The following DLG5 variants were observed in gnomAD, a reference collection of about 807,000 sequenced individuals.
DLG5 encodes disks large homolog 5.
In DLG5, 48 loss-of-function variants were observed where a neutral mutation model predicts 189.8. That is an observed-to-expected ratio of 0.25 (90% CI 0.20 to 0.32). DLG5 has a LOEUF of 0.32. Ranked by LOEUF, DLG5 falls within the 10% of genes least tolerant of loss-of-function variation. DLG5 has a pLI of 1.00. For missense variants in DLG5, 2,160 were observed against 2,544.7 expected (o/e 0.85, Z 3.25); for synonymous variants, 1,016 against 1,054.1 (o/e 0.96, Z 0.70).
At chr10:77,903,578 A>G (rs1156621304) in intron 1 of DLG5, among the ~76,000 whole-genome samples, 1 of 150,604 alleles carries the variant, frequency 6.6e-6, no homozygotes, top group East Asian at 2.0e-4. Context: ...AGATCGTGAC[A>G]CTGCACTTCA....
chr10:77,853,559 C>A, intron 4 of DLG5, 22 bp from the exon 5 acceptor site: 1 of 1,540,570 alleles, frequency 6.5e-7, no homozygotes, highest in South Asian at 1.2e-5. Context: ...GGTACATGCT[C>A]AGTGAGCCCC....
At chr10:77,799,344 AG>A (rs1464270183) in intron 27 of DLG5, among the ~76,000 whole-genome samples, 1 of 152,170 alleles carries the variant, frequency 6.6e-6, no homozygotes, top group African/African-American at 2.4e-5. Flanking sequence ...TTGGAGACGG[AG>A]TCTTCAGGAG....
At chr10:77,815,708 T>A (rs1456080125) in intron 20 of DLG5, among the ~76,000 whole-genome samples, 2 of 152,188 alleles carry the variant, frequency 1.3e-5, no homozygotes, top group Non-Finnish European at 2.9e-5. Flanking sequence ...CTGCTGAGGC[T>A]CACAGCTACA....
At chr10:77,856,697 G>A (rs1485758899) in intron 3 of DLG5, 33 bp downstream of exon 3, 1 of 1,599,826 alleles carries the variant, frequency 6.3e-7, no homozygotes, top group East Asian at 2.2e-5. Context: ...CCCAACCATG[G>A]GGCCTGGGCA....
chr10:77,806,718 A>C, intron 26 of DLG5, 40 bp downstream of exon 26: 7 of 1,333,646 alleles, frequency 5.2e-6, no homozygotes, highest in Non-Finnish European at 5.3e-6. Context: ...GCCCTCGGCG[A>C]CCCCTGCCCC....
Position 77,794,965 on chromosome 10 carries a change from T to A in DLG5, c.5437-7A>T. ...CCAGGAGGCAGTGTCGGTTCTGGGG[T>A]GGGGGGTGCAGAGTGAGCCCTGGCG... On this transcript the variant is annotated splice_polypyrimidine_tract_variant and splice_region_variant and intron_variant, in intron 29 of 31. Transcript: ENST00000372391. 6.2e-7 allele frequency: 1 copy of A among 1,612,330 alleles called. No individual in the cohort carries two copies. Among genetic ancestry groups the A allele is most frequent in the South Asian group, 1.1e-5 (1 of 90,880 alleles).
At chr10:77,876,049 A>G (rs1309910709) in intron 1 of DLG5, among the ~76,000 whole-genome samples, 1 of 152,044 alleles carries the variant, frequency 6.6e-6, no homozygotes, top group Non-Finnish European at 1.5e-5. Flanking sequence ...CTTATATGCC[A>G]CCCGAGGGTG....
At chr10:77,861,511 A>AGGGG (rs1844468894) in intron 2 of DLG5, among the ~76,000 whole-genome samples, 4 of 152,178 alleles carry the variant, frequency 2.6e-5, no homozygotes, top group Admixed American at 2.6e-4. Flanking sequence ...CCATCCCAAC[A>AGGGG]CACCCCATCT....
At chr10:77,864,552 C>A (rs1472381885) in intron 2 of DLG5, among the ~76,000 whole-genome samples, 1 of 152,230 alleles carries the variant, frequency 6.6e-6, no homozygotes, top group Non-Finnish European at 1.5e-5. Flanking sequence ...CACTAGAGAA[C>A]CTGCTAGGCA....
chr10:77,903,518 T>G (rs1480278334), intron 1 of DLG5, among the ~76,000 whole-genome samples: 1 of 151,418 alleles, frequency 6.6e-6, no homozygotes, highest in Non-Finnish European at 1.5e-5. Context: ...CTGGGGAAGC[T>G]GAGGCAGGAG....
At chr10:77,863,801 G>A (rs967565684) in intron 2 of DLG5, among the ~76,000 whole-genome samples, 3 of 152,184 alleles carry the variant, frequency 2.0e-5, no homozygotes. Context: ...CCCAAAACAG[G>A]AAGACACCAG....
chr10:77,824,241 C>G (rs1006077108), intron 14 of DLG5, 143 bp downstream of exon 14: 5 of 611,216 alleles, frequency 8.2e-6, no homozygotes, highest in Non-Finnish European at 1.4e-5. Flanking sequence ...AGCGTCCAGT[C>G]AGGGTTCCTG....
Position 77,792,356 on chromosome 10 carries a change from C to T in DLG5, c.*84G>A. On this transcript the variant is annotated 3_prime_UTR_variant, in exon 32 of 32. Transcript: ENST00000372391. ...CCCCGCATGTTCATAGACGGACAGACTTCTACTTTCAGTCGCTAGAAAAGA... is the reference window on the plus strand; with the variant it reads ...CCCCGCATGTTCATAGACGGACAGATTTCTACTTTCAGTCGCTAGAAAAGA... 7.5e-7 allele frequency: 1 copy of T among 1,328,566 alleles called. No individual in the cohort carries two copies. The highest frequency in any genetic ancestry group is 1.1e-6 in the Non-Finnish European group (1 of 922,932). The allele number at this position is 1,328,566 out of a possible 1,614,324, so 82.3% of individuals were successfully genotyped here. A position where few individuals can be genotyped will look rare whatever the true frequency, so the allele number is the denominator to read the frequency against.
intron 22 of DLG5, 94 bp downstream of exon 22, chr10:77,811,830 G>A (rs966304533): frequency 1.9e-5 from 27 of 1,457,272 alleles, no homozygotes; most frequent in Middle Eastern, 2.5e-4. Context: ...CAGAACTTAC[G>A]GCTGGCACCC....
At chr10:77,870,662 G>A (rs1844860527) in intron 1 of DLG5, among the ~76,000 whole-genome samples, 1 of 151,938 alleles carries the variant, frequency 6.6e-6, no homozygotes, top group African/African-American at 2.4e-5. Flanking sequence ...TTCAGCCTGG[G>A]CAACAAAGTG....
At chr10:77,829,296 G>A (rs1842791598) in intron 12 of DLG5, 59 bp downstream of exon 12, 3 of 1,608,208 alleles carry the variant, frequency 1.9e-6, no homozygotes, top group Non-Finnish European at 1.7e-6. Flanking sequence ...CCCGGCCCCT[G>A]TCCACAAAAA....
chr10:77,882,863 G>A (rs117657808), intron 1 of DLG5, among the ~76,000 whole-genome samples: 1,602 of 150,936 alleles, frequency 0.011, 10 homozygotes, highest in Non-Finnish European at 0.017. Flanking sequence ...GCAGTGGGCC[G>A]AGATCACTCC....
rs1261995213 is a variant in DLG5 at position 77,816,633 on chromosome 10, A to G, written c.3943T>C (p.Cys1315Arg). ...SPLNIDTLSS[C>R]SQSQTSASTL... ...GAGGCTGAGGTCTGGGACTGGCTAC[A>G]AGAGGACAGGGTGTCGATGTTCAGG... The change falls in exon 20 of 32, where the codon TGT (cysteine) becomes CGT (arginine). Residue 1315 changes from cysteine (C) to arginine (R), a missense_variant. This residue lies in a region of DLG5 where 754 missense variants were observed against 746.5 expected (regional missense o/e 1.01). Coordinates refer to ENST00000372391, the MANE Select transcript of DLG5 (RefSeq NM_004747.4). The G allele has an allele frequency of 1.2e-6, 2 of 1,614,164 alleles. No homozygotes were observed. Among genetic ancestry groups the G allele is most frequent in the Admixed American group, 1.7e-5 (1 of 60,026 alleles).
At chr10:77,816,307 G>A (rs1306587122) in intron 20 of DLG5, 10 of 702,128 alleles carry the variant, frequency 1.4e-5, no homozygotes, top group African/African-American at 5.2e-5. Context: ...CACGATCACC[G>A]TCAGGTCATT....
Sources: allele counts gnomAD v4.1 joint callset (sites outside exome capture counted in the v4.1 genomes callset), GRCh38; gene constraint gnomAD v4.1.1; regional missense constraint gnomAD v4.1.1; transcripts MANE v1.5; gene names NCBI Gene and HGNC (gene_info 2026-07-23, HGNC 2026-07-21).